NOL4: variants seen among roughly 807,000 people sequenced by gnomAD.
NOL4 encodes the protein cancer/testis antigen 125.
In NOL4, 17 loss-of-function variants were observed where a neutral mutation model predicts 75.9. The observed-to-expected ratio is 0.22, with a 90% confidence interval of 0.15 to 0.34. The LOEUF is 0.34. NOL4 is among the 10% of genes least tolerant of loss of function. The probability of loss-of-function intolerance (pLI) is 1.00; values close to 1 mark genes in which losing one functional copy is unlikely to be tolerated. For missense variants in NOL4, 614 were observed against 793.5 expected, an observed-to-expected ratio of 0.77 and a Z score of 2.72; for synonymous variants, 292 against 289.9, an observed-to-expected ratio of 1.01 and a Z score of -0.07.
intron 9 of NOL4, among the ~76,000 whole-genome samples, chr18:33,896,820 A>G (rs564157670): frequency 6.6e-6 from 1 of 152,326 alleles, no homozygotes; most frequent in Non-Finnish European, 1.5e-5. Flanking sequence ...AACTATCAAC[A>G]GAGTAAACAG....
intron 1 of NOL4, among the ~76,000 whole-genome samples, chr18:34,201,966 T>C (rs1208408666): frequency 6.6e-6 from 1 of 151,930 alleles, no homozygotes; most frequent in Admixed American, 6.6e-5. Flanking sequence ...TCTACTTACC[T>C]AGATTTGTGT....
At chr18:34,140,764 CT>C (rs749320568) in intron 1 of NOL4, among the ~76,000 whole-genome samples, 4 of 152,152 alleles carry the variant, frequency 2.6e-5, no homozygotes, top group Non-Finnish European at 4.4e-5. Flanking sequence ...GATGCAGTTT[CT>C]TCCTAGCATC....
At chr18:33,866,015 A>G (rs1486429602) in intron 10 of NOL4, among the ~76,000 whole-genome samples, 2 of 152,178 alleles carry the variant, frequency 1.3e-5, no homozygotes, top group East Asian at 3.9e-4. Flanking sequence ...GTAACTGTTT[A>G]AGGCATTATG....
chr18:34,050,830 T>G (rs529985076), intron 5 of NOL4, among the ~76,000 whole-genome samples: 1 of 152,142 alleles, frequency 6.6e-6, no homozygotes, highest in Admixed American at 6.6e-5. Flanking sequence ...CCAAGGCAGT[T>G]CTGAGTAAAA....
At chr18:33,982,951 T>C (rs541970539) in intron 6 of NOL4, among the ~76,000 whole-genome samples, 2 of 152,060 alleles carry the variant, frequency 1.3e-5, no homozygotes, top group South Asian at 2.1e-4. Flanking sequence ...GGTTTCACCA[T>C]GTTGGTCAGG....
At chr18:33,949,609 G>A (rs1186534342) in intron 8 of NOL4, among the ~76,000 whole-genome samples, 1 of 152,102 alleles carries the variant, frequency 6.6e-6, no homozygotes, top group Admixed American at 6.6e-5. Flanking sequence ...GGAGCCCGTG[G>A]ATCTACTATG....
At chr18:33,926,358 CAAAAAAAAAAAAA>C (rs67803985) in intron 9 of NOL4, among the ~76,000 whole-genome samples, 2 of 46,528 alleles carry the variant, frequency 4.3e-5, no homozygotes, top group Non-Finnish European at 7.3e-5. Context: ...GACTCCATCT[CAAAAAAAAAAAAA>C]AAAAAAAAAA....
At chr18:33,995,966 TTTG>T (rs201788094) in intron 6 of NOL4, among the ~76,000 whole-genome samples, 2,019 of 151,940 alleles carry the variant, frequency 0.013, 43 homozygotes, top group African/African-American at 0.046. Context: ...AAGTCTTCTT[TTTG>T]TTGTTGTTAT....
chr18:33,999,149 T>G (rs1024190114), intron 6 of NOL4, among the ~76,000 whole-genome samples: 5 of 151,520 alleles, frequency 3.3e-5, no homozygotes, highest in African/African-American at 7.3e-5. Flanking sequence ...CTGAGTTTTT[T>G]TTTTTTTTTT....
chr18:34,141,371 A>G (rs1381378920), intron 1 of NOL4, among the ~76,000 whole-genome samples: 3 of 150,870 alleles, frequency 2.0e-5, no homozygotes, highest in African/African-American at 4.9e-5. Context: ...AGCCCGCATC[A>G]CCAAGTCAAT....
chr18:33,878,765 A>T (rs1473854554), intron 10 of NOL4, among the ~76,000 whole-genome samples: 2 of 152,144 alleles, frequency 1.3e-5, no homozygotes, highest in Non-Finnish European at 2.9e-5. Context: ...AAAAAAATAC[A>T]TCGGAAGTTC....
intron 9 of NOL4, among the ~76,000 whole-genome samples, chr18:33,886,976 CAT>C (rs1304750834): frequency 7.4e-6 from 1 of 134,242 alleles, no homozygotes; most frequent in African/African-American, 2.7e-5. Context: ...TATCTATATA[CAT>C]ATATATCTAT....
intron 1 of NOL4, among the ~76,000 whole-genome samples, chr18:34,202,924 G>T (rs565932545): frequency 2.0e-5 from 3 of 152,060 alleles, no homozygotes; most frequent in African/African-American, 7.2e-5. Flanking sequence ...CACAGCAATT[G>T]CACTCTTGGG....
chr18:34,096,956 A>T (rs929186942), intron 4 of NOL4, among the ~76,000 whole-genome samples: 5 of 152,144 alleles, frequency 3.3e-5, no homozygotes, highest in African/African-American at 1.2e-4. Flanking sequence ...TTATCTATAA[A>T]GGGTCTCTAC....
At position 34,019,559 on chromosome 18, in the gene NOL4, C is replaced by A. The variant is rs1309890459; in HGVS notation, c.815G>T (p.Gly272Val). 1 of 1,613,784 alleles carries A rather than the reference C, an allele frequency of 6.2e-7. No individual in the cohort carries two copies. Among genetic ancestry groups the A allele is most frequent in the African/African-American group, 1.3e-5 (1 of 74,868 alleles). The change falls in exon 6 of 11, where the codon GGG becomes GTG. Residue 272 changes from glycine (G) to valine (V), a missense_variant. Gly to Val is a moderately radical substitution (Grantham distance 109, BLOSUM62 -3). Coordinates refer to ENST00000261592, the MANE Select transcript of NOL4 (RefSeq NM_003787.5). ...AESFNGNETL[G>V]HSSIASGGTH... ...TCCCCCTGAAGCAATTGAACTGTGC[C>A]CCAGAGTCTCATTGCCATTAAAGCT...
chr18:33,968,569 A>T (rs1374692844), intron 6 of NOL4, among the ~76,000 whole-genome samples: 1 of 152,216 alleles, frequency 6.6e-6, no homozygotes, highest in Non-Finnish European at 1.5e-5. Flanking sequence ...GAATATAAAC[A>T]TTGGGTACAA....
chr18:33,981,199 A>G (rs2071927853), intron 6 of NOL4, among the ~76,000 whole-genome samples: 1 of 152,012 alleles, frequency 6.6e-6, no homozygotes. Context: ...CAGAATATGT[A>G]AGAACTGTGG....
intron 6 of NOL4, among the ~76,000 whole-genome samples, chr18:34,017,512 T>C (rs1327295668): frequency 6.6e-6 from 1 of 152,166 alleles, no homozygotes; most frequent in Non-Finnish European, 1.5e-5. Flanking sequence ...GATGATATGA[T>C]ATTATTAGCT....
chr18:34,140,933 C>G (rs926350898), intron 1 of NOL4, among the ~76,000 whole-genome samples: 1 of 151,974 alleles, frequency 6.6e-6, no homozygotes, highest in African/African-American at 2.4e-5. Flanking sequence ...TCTAGAAAAC[C>G]CCATTGTCTC....
Sources: gnomAD v4.1 joint callset for allele counts (sites outside exome capture counted in the v4.1 genomes callset) on GRCh38, gnomAD v4.1.1 for gene constraint, MANE v1.5 for transcripts, NCBI Gene and HGNC (gene_info 2026-07-23, HGNC 2026-07-21) for gene names.